Variants in CSMD1 observed in about 807,000 individuals in gnomAD.
The protein encoded by CSMD1 is CUB and Sushi multiple domains 1, also known as CUB and sushi domain-containing protein 1.
CSMD1 carries 213 observed loss-of-function variants against 417.5 expected under a neutral mutation model. The observed-to-expected ratio is 0.51, with a 90% CI of 0.46 to 0.57. CSMD1 has a LOEUF of 0.57. Ranked by LOEUF, CSMD1 falls within the 20% of genes least tolerant of loss-of-function variation. The pLI, the probability that CSMD1 is intolerant of heterozygous loss-of-function variation, is 0.00. For missense variants in CSMD1, 6,923 were observed against 4,529.7 expected, an observed-to-expected ratio of 1.53 and a Z score of -15.17; for synonymous variants, 2,862 against 1,736.8, an observed-to-expected ratio of 1.65 and a Z score of -16.11.
chr8:4,857,557 C>A (rs986916860), intron 1 of CSMD1, among the ~76,000 whole-genome samples: 1 of 152,016 alleles, frequency 6.6e-6, no homozygotes, highest in East Asian at 1.9e-4. Flanking sequence ...ATCAAATAGA[C>A]GCAGTAATAA....
intron 3 of CSMD1, among the ~76,000 whole-genome samples, chr8:4,380,601 T>A (rs549034431): frequency 5.9e-5 from 9 of 152,254 alleles, no homozygotes; most frequent in Admixed American, 3.9e-4. Context: ...AGGTGAAAAC[T>A]CAGAACATTC....
chr8:4,760,645 C>T (rs548946355), intron 1 of CSMD1, among the ~76,000 whole-genome samples: 122 of 152,034 alleles, frequency 8.0e-4, no homozygotes, highest in Non-Finnish European at 1.3e-3. Flanking sequence ...TATAAGTATG[C>T]TGGTATCATG....
At chr8:3,440,059 A>G (rs1405374187) in intron 12 of CSMD1, among the ~76,000 whole-genome samples, 1 of 152,168 alleles carries the variant, frequency 6.6e-6, no homozygotes, top group Non-Finnish European at 1.5e-5. Flanking sequence ...TACTGGAGCT[A>G]TATAATATGC....
chr8:4,066,091 A>G (rs1029114802), intron 3 of CSMD1, among the ~76,000 whole-genome samples: 1 of 152,206 alleles, frequency 6.6e-6, no homozygotes, highest in Non-Finnish European at 1.5e-5. Flanking sequence ...AAAACAATGA[A>G]AACAGTTCTG....
intron 1 of CSMD1, among the ~76,000 whole-genome samples, chr8:4,650,940 C>T (rs576247693): frequency 2.0e-5 from 3 of 152,156 alleles, no homozygotes; most frequent in Non-Finnish European, 4.4e-5. Context: ...TTAACCATTA[C>T]AAATGAACCA....
intron 1 of CSMD1, among the ~76,000 whole-genome samples, chr8:4,937,194 C>G (rs1340892067): frequency 6.6e-6 from 1 of 151,914 alleles, no homozygotes; most frequent in African/African-American, 2.4e-5. Context: ...GCCTGAGCAA[C>G]AGAGCCAGGC....
intron 2 of CSMD1, among the ~76,000 whole-genome samples, chr8:4,439,050 C>T (rs1385457890): frequency 6.6e-6 from 1 of 152,110 alleles, no homozygotes; most frequent in East Asian, 1.9e-4. Context: ...GTAATCTTAG[C>T]TGATATAGGT....
At chr8:3,506,323 T>G (rs980201805) in intron 10 of CSMD1, among the ~76,000 whole-genome samples, 1 of 152,062 alleles carries the variant, frequency 6.6e-6, no homozygotes, top group Non-Finnish European at 1.5e-5. Flanking sequence ...TTTCTAGACA[T>G]CCAAAGAGAC....
At chr8:3,742,826 G>T (rs921795463) in intron 6 of CSMD1, among the ~76,000 whole-genome samples, 1 of 152,182 alleles carries the variant, frequency 6.6e-6, no homozygotes, top group Non-Finnish European at 1.5e-5. Flanking sequence ...CATATAAGGA[G>T]ACCCAACTTC....
At chr8:3,361,672 A>C (rs987987097) in intron 20 of CSMD1, among the ~76,000 whole-genome samples, 1 of 143,988 alleles carries the variant, frequency 6.9e-6, no homozygotes, top group Non-Finnish European at 1.5e-5. Flanking sequence ...AAAAAAAAAA[A>C]CAAACAAAAA....
At chr8:3,829,628 A>G (rs562473556) in intron 5 of CSMD1, among the ~76,000 whole-genome samples, 1 of 152,320 alleles carries the variant, frequency 6.6e-6, no homozygotes, top group African/African-American at 2.4e-5. Context: ...AAAAAGATGT[A>G]GAATGAATTA....
intron 3 of CSMD1, among the ~76,000 whole-genome samples, chr8:4,042,119 G>T (rs1406474162): frequency 1.3e-5 from 2 of 151,988 alleles, no homozygotes; most frequent in Non-Finnish European, 2.9e-5. Context: ...AGAAGAAAAG[G>T]AAACAAATTA....
At chr8:4,105,347 T>A (rs1203170432) in intron 3 of CSMD1, among the ~76,000 whole-genome samples, 1 of 152,204 alleles carries the variant, frequency 6.6e-6, no homozygotes, top group East Asian at 1.9e-4. Flanking sequence ...ATTTTTTTTT[T>A]ATGTTTATAT....
chr8:3,312,303 T>A lies in CSMD1; in HGVS notation c.3632-3800A>T, dbSNP rs568711235. Among the ~76,000 whole-genome samples the A allele has an allele frequency of 3.1e-4, 47 of 152,344 alleles. No homozygotes were observed. In the South Asian group the frequency reaches 9.5e-3, roughly 31 times the overall value. On this transcript the variant is annotated intron_variant, in intron 23 of 69. Transcript: ENST00000635120. ...ATGGCAGCGTAGTTTTCTCTTTATA[T>A]GACCAGCTGTCTCCTTTTTTTCTGA... is the stretch of plus-strand genomic sequence containing the variant.
chr8:4,246,762 A>G (rs1802740109), intron 3 of CSMD1, among the ~76,000 whole-genome samples: 1 of 152,194 alleles, frequency 6.6e-6, no homozygotes, highest in African/African-American at 2.4e-5. Context: ...AAACAGGATC[A>G]AGAAGATTTT....
chr8:4,094,349 G>C (rs563897921), intron 3 of CSMD1, among the ~76,000 whole-genome samples: 49 of 152,222 alleles, frequency 3.2e-4, no homozygotes, highest in African/African-American at 1.0e-3. Context: ...CTGTGAGCTG[G>C]ACTCATGGGT....
intron 26 of CSMD1, among the ~76,000 whole-genome samples, chr8:3,281,619 C>T (rs574196037): frequency 2.0e-5 from 3 of 151,770 alleles, no homozygotes; most frequent in Non-Finnish European, 2.9e-5. Flanking sequence ...CTGTGACTTT[C>T]AGGAAAAGAC....
intron 5 of CSMD1, among the ~76,000 whole-genome samples, chr8:3,848,074 T>C (rs1259404597): frequency 7.2e-6 from 1 of 138,390 alleles, no homozygotes; most frequent in African/African-American, 2.7e-5. Flanking sequence ...GATATTTCTC[T>C]CTCTCTCTCT....
chr8:4,629,319 C>T lies in CSMD1; in HGVS notation c.302+8023G>A, dbSNP rs183676320. ...AACATGTTTTCAATATCCTCAAAAA[C>T]GCTGTTACTAAAATGTGAAGGTATG... is the stretch of plus-strand genomic sequence containing the variant. On this transcript the variant is annotated intron_variant, in intron 2 of 69. Coordinates refer to ENST00000635120, the MANE Select transcript of CSMD1 (RefSeq NM_033225.6). Among the ~76,000 whole-genome samples, 455 of 152,238 alleles carry T rather than the reference C, an allele frequency of 3.0e-3. 2 individuals carry two copies. Among genetic ancestry groups the T allele is most frequent in the Non-Finnish European group, 4.1e-3 (276 of 68,012 alleles).
Sources: allele counts gnomAD v4.1 joint callset (sites outside exome capture counted in the v4.1 genomes callset), GRCh38; gene constraint gnomAD v4.1.1; transcripts MANE v1.5; gene names NCBI Gene and HGNC (gene_info 2026-07-23, HGNC 2026-07-21).